DPP6: variants seen among roughly 807,000 people sequenced by gnomAD.
DPP6 encodes dipeptidyl peptidase like 6.
In DPP6, 69 loss-of-function variants were observed where a neutral mutation model predicts 122.6. That is an observed-to-expected ratio of 0.56 (90% CI 0.46 to 0.69). DPP6 has a LOEUF of 0.69. DPP6 is among the 30% of genes least tolerant of loss of function. The probability of loss-of-function intolerance (pLI) is 0.00; values close to 1 mark genes in which losing one functional copy is unlikely to be tolerated. For missense variants in DPP6, 928 were observed against 1,116.9 expected (o/e 0.83, Z 2.41); for synonymous variants, 418 against 433.1 (o/e 0.97, Z 0.43).
chr7:154,767,526 C>T (rs757649158), intron 8 of DPP6, among the ~76,000 whole-genome samples: 1 of 152,182 alleles, frequency 6.6e-6, no homozygotes, highest in Non-Finnish European at 1.5e-5. Flanking sequence ...TGGAAAATTA[C>T]AGACCCTGGA....
At chr7:154,065,878 G>C (rs1432159773) in intron 1 of DPP6, among the ~76,000 whole-genome samples, 1 of 151,934 alleles carries the variant, frequency 6.6e-6, no homozygotes. Flanking sequence ...GGCTTCAGGA[G>C]GTGAGTTGTT....
chr7:154,065,893 C>T (rs891370787), intron 1 of DPP6, among the ~76,000 whole-genome samples: 6 of 152,032 alleles, frequency 3.9e-5, no homozygotes, highest in African/African-American at 1.4e-4. Flanking sequence ...GTTGTTTTAT[C>T]CTCCTAAGAA....
intron 1 of DPP6, among the ~76,000 whole-genome samples, chr7:154,175,040 C>T (rs936891148): frequency 1.3e-5 from 2 of 151,762 alleles, no homozygotes; most frequent in Non-Finnish European, 2.9e-5. Flanking sequence ...GCGCCCCCCA[C>T]CCCTGTCTAA....
intron 16 of DPP6, among the ~76,000 whole-genome samples, chr7:154,836,076 AT>A (rs1472428124): frequency 3.9e-5 from 6 of 152,164 alleles, no homozygotes; most frequent in Admixed American, 6.5e-5. Context: ...CCTTCCGCTC[AT>A]TTCTGATGCA....
At chr7:154,549,700 A>T (rs1254317022) in intron 4 of DPP6, among the ~76,000 whole-genome samples, 1 of 152,188 alleles carries the variant, frequency 6.6e-6, no homozygotes, top group East Asian at 1.9e-4. Context: ...GCGAAGGCTC[A>T]TTCCCAAGAA....
chr7:154,151,522 C>T (rs1796420424), intron 1 of DPP6, among the ~76,000 whole-genome samples: 1 of 152,224 alleles, frequency 6.6e-6, no homozygotes. Context: ...GGGAAGCAGA[C>T]AGTAGCAGCG....
At chr7:153,918,566 GTCTCTCTCTCTCTCTCTCTCTCTCTCTC>G (rs59605527) in intron 1 of DPP6, among the ~76,000 whole-genome samples, 28 of 104,460 alleles carry the variant, frequency 2.7e-4, no homozygotes, top group Middle Eastern at 6.0e-3. Context: ...CACACACACA[GTCTCTCTCTCTCTCTCTCTCTCTCTCTC>G]TCTCTCTCTC....
intron 5 of DPP6, among the ~76,000 whole-genome samples, chr7:154,580,972 T>A (rs1284176860): frequency 6.6e-6 from 1 of 152,158 alleles, no homozygotes; most frequent in East Asian, 1.9e-4. Context: ...GCGGCCACCT[T>A]CCTAATGTGA....
Position 154,684,778 on chromosome 7 carries a change from T to C in DPP6, c.762+15337T>C, listed in dbSNP as rs192066960. Among the ~76,000 whole-genome samples, 11 of 152,328 alleles carry C rather than the reference T, an allele frequency of 7.2e-5. No homozygotes were observed. In the East Asian group the frequency reaches 1.3e-3, roughly 19 times the overall value. On this transcript the variant is annotated intron_variant, in intron 7 of 25. Transcript: ENST00000377770. ...TTCTCCATGGCCATACAAAGTCGTG[T>C]TTCTAAAATTAGCTGGGTGATCTGA... is the stretch of plus-strand genomic sequence containing the variant.
chr7:154,263,810 C>T (rs1486160202), intron 1 of DPP6, among the ~76,000 whole-genome samples: 2 of 152,150 alleles, frequency 1.3e-5, no homozygotes, highest in Non-Finnish European at 2.9e-5. Context: ...CCTGCCTCAG[C>T]CTCCTGAGTA....
intron 8 of DPP6, among the ~76,000 whole-genome samples, chr7:154,734,829 C>T (rs1842500949): frequency 6.6e-6 from 1 of 152,098 alleles, no homozygotes; most frequent in African/African-American, 2.4e-5. Context: ...GCCTTGTCTG[C>T]AAAACAAAGA....
chr7:154,077,817 C>T (rs1410586150), intron 1 of DPP6, among the ~76,000 whole-genome samples: 1 of 151,814 alleles, frequency 6.6e-6, no homozygotes, highest in Non-Finnish European at 1.5e-5. Flanking sequence ...ACTACAGGCA[C>T]GCATCACCAT....
intron 1 of DPP6, among the ~76,000 whole-genome samples, chr7:154,129,364 T>G (rs1461749495): frequency 6.6e-6 from 1 of 152,168 alleles, no homozygotes; most frequent in East Asian, 1.9e-4. Context: ...ATATCAAAAC[T>G]GTGGACCAGA....
intron 1 of DPP6, among the ~76,000 whole-genome samples, chr7:154,333,070 C>G (rs924883226): frequency 3.9e-5 from 6 of 152,134 alleles, no homozygotes; most frequent in African/African-American, 9.7e-5. Context: ...GAAGACAGCT[C>G]TATGCCTCCA....
At chr7:153,749,915 A>T in the DPP6 span, among the ~76,000 whole-genome samples, 1 of 152,248 alleles carries the variant, frequency 6.6e-6, no homozygotes, top group Non-Finnish European at 1.5e-5. This position sits in a 1 kb window ranked among gnomAD's most constrained non-coding sequence, Gnocchi z 4.1. Context: ...ATGCAGACTG[A>T]ATTTATGCTT....
the DPP6 span, among the ~76,000 whole-genome samples, chr7:153,794,991 T>G: frequency 1.3e-5 from 2 of 152,204 alleles, no homozygotes; most frequent in African/African-American, 4.8e-5. Context: ...CTTTTCTTCC[T>G]AGTCTTGGGT....
chr7:153,898,912 C>G (rs1184859007), intron 1 of DPP6, among the ~76,000 whole-genome samples: 1 of 152,164 alleles, frequency 6.6e-6, no homozygotes, highest in African/African-American at 2.4e-5. Flanking sequence ...ATTCAGATAT[C>G]TTTCACTCTA....
chr7:154,093,598 C>CCACACACACACCATACACACACACACA (rs1563192816), intron 1 of DPP6: 1 of 135,026 alleles, frequency 7.4e-6, no homozygotes, highest in Non-Finnish European at 1.6e-5. Flanking sequence ...ACACCATACC[C>CCACACACACACCATACACACACACACA]CACACACACA....
chr7:154,320,606 T>G (rs1439176527), intron 1 of DPP6, among the ~76,000 whole-genome samples: 1 of 152,128 alleles, frequency 6.6e-6, no homozygotes, highest in Non-Finnish European at 1.5e-5. Flanking sequence ...TGCCTCAGCC[T>G]CCCTAGTAGC....
Sources: allele counts gnomAD v4.1 joint callset (sites outside exome capture counted in the v4.1 genomes callset), GRCh38; gene constraint gnomAD v4.1.1; non-coding constraint Gnocchi (gnomAD v3.1); transcripts MANE v1.5; gene names NCBI Gene and HGNC (gene_info 2026-07-23, HGNC 2026-07-21).